Variants in WRN observed in about 807,000 individuals in gnomAD.
WRN encodes the protein bifunctional 3'-5' exonuclease/ATP-dependent helicase WRN.
WRN carries 149 observed loss-of-function variants against 180.7 expected under a neutral mutation model. The observed-to-expected ratio is 0.82, with a 90% CI of 0.72 to 0.94. WRN has a LOEUF of 0.94. Among genes scored for constraint, WRN ranks in the 40% least tolerant of loss-of-function variants. The pLI is 0.00. For synonymous variants in WRN, 548 were observed against 568.9 expected (o/e 0.96, Z 0.52); for missense variants, 1,661 against 1,700.1 (o/e 0.98, Z 0.40).
intron 8 of WRN, among the ~76,000 whole-genome samples, chr8:31,079,734 A>AAAT (rs1463780438): frequency 6.6e-6 from 1 of 152,200 alleles, no homozygotes; most frequent in Non-Finnish European, 1.5e-5. Flanking sequence ...TCTGTTCCAA[A>AAAT]AATGTAGTGT....
chr8:31,058,507 T>C lies in WRN; in HGVS notation c.60T>C (p.Asn20=), dbSNP rs1368830510. 1 of 1,613,752 alleles carries C rather than the reference T, an allele frequency of 6.2e-7. No individual in the cohort carries two copies. The highest frequency in any genetic ancestry group is 8.5e-7 in the Non-Finnish European group (1 of 1,179,870). The change falls in exon 2 of 35, where the codon AAT becomes AAC. Residue 20 remains asparagine, a synonymous_variant. Coordinates refer to ENST00000298139, the MANE Select transcript of WRN (RefSeq NM_000553.6). ...AGCGGAAATGTCCTGAATGGATGAATGTGCAGAATAAAAGATGTGCTGTAG... is the reference window on the plus strand; with the variant it reads ...AGCGGAAATGTCCTGAATGGATGAACGTGCAGAATAAAAGATGTGCTGTAG... ...AQQRKCPEWM[N]VQNKRCAVEE... is the part of the protein sequence containing the mutation.
At chr8:31,132,879 C>T (rs2725358) in intron 24 of WRN, among the ~76,000 whole-genome samples, 149,552 of 152,326 alleles carry the variant, frequency 0.98, 73,480 homozygotes, top group East Asian at 1. Flanking sequence ...TCCAGGAAAC[C>T]ATTAAATTCT....
intron 1 of WRN, among the ~76,000 whole-genome samples, chr8:31,051,982 C>G (rs886652913): frequency 6.6e-6 from 1 of 152,180 alleles, no homozygotes; most frequent in African/African-American, 2.4e-5. Flanking sequence ...GTTTCAGTGT[C>G]TATAGGTAAA....
chr8:31,056,634 A>G (rs1812286348), intron 1 of WRN, among the ~76,000 whole-genome samples: 1 of 152,156 alleles, frequency 6.6e-6, no homozygotes, highest in Non-Finnish European at 1.5e-5. Context: ...TTTCTTTTGC[A>G]TTAGGACACG....
At chr8:31,124,798 G>T in intron 22 of WRN, 110 bp from the exon 23 acceptor site, 1 of 1,246,604 alleles carries the variant, frequency 8.0e-7, no homozygotes, top group Non-Finnish European at 1.1e-6. Flanking sequence ...GTCAAATAAT[G>T]AAGTCCCAAG....
At chr8:31,057,092 C>T (rs1410187878) in intron 1 of WRN, among the ~76,000 whole-genome samples, 1 of 152,066 alleles carries the variant, frequency 6.6e-6, no homozygotes, top group African/African-American at 2.4e-5. Context: ...TTTTTTGTTC[C>T]ATAAATTATC....
At chr8:31,090,410 T>C (rs1443982960) in intron 13 of WRN, 55 bp from the exon 14 acceptor site, 6 of 1,507,130 alleles carry the variant, frequency 4.0e-6, no homozygotes, top group Non-Finnish European at 5.5e-6. Flanking sequence ...TTTTAATTTG[T>C]ACCTTGGGTT....
In WRN at chr8:31,147,081, T is replaced by C. The variant is rs1802884522; in HGVS notation, c.3412T>C (p.Tyr1138His). ...CATGGTACAGTCACCAGAAAAAGCT[T>C]ACAGTTCCTCACAGCCTGTTATTTC... is the stretch of plus-strand genomic sequence containing the variant. ...SIMVQSPEKA[Y>H]SSSQPVISAQ... Residue 1138 changes from tyrosine to histidine, a missense_variant, in exon 29 of 35, where the codon TAC becomes CAC. This residue lies in a region of WRN where 1,141 missense variants were observed against 1,149.4 expected (regional missense o/e 0.99). Coordinates refer to ENST00000298139, the MANE Select transcript of WRN (RefSeq NM_000553.6). The C allele has an allele frequency of 5.6e-6, 9 of 1,613,834 alleles. No homozygotes were observed. The highest frequency in any genetic ancestry group is 1.1e-5 in the South Asian group (1 of 91,058).
intron 1 of WRN, among the ~76,000 whole-genome samples, chr8:31,053,911 A>G (rs1261146049): frequency 6.6e-6 from 1 of 152,240 alleles, no homozygotes; most frequent in Admixed American, 6.5e-5. Flanking sequence ...GCTTACTTAA[A>G]TCATCAGAAT....
chr8:31,132,547 T>C, intron 24 of WRN, 41 bp downstream of exon 24: 1 of 1,613,274 alleles, frequency 6.2e-7, no homozygotes, highest in Non-Finnish European at 8.5e-7. Flanking sequence ...GATCTTCTTT[T>C]ACTTCTATTA....
chr8:31,167,174 G>C lies in WRN; in HGVS notation c.4135G>C (p.Glu1379Gln). Residue 1379 changes from glutamate to glutamine, a missense_variant, in exon 34 of 35, where the codon GAA (glutamate) becomes CAA (glutamine). Glu to Gln is a conservative substitution (Grantham distance 29, BLOSUM62 2). Transcript: ENST00000298139. ...CAAAAGGAGATGTTTTCCCGGTTCT[G>C]AAGAGATCTGTTCAAGTTCTAAGAG... ...VNKRRCFPGS[E>Q]EICSSSKRSK... The C allele has an allele frequency of 6.2e-7, 1 of 1,613,324 alleles. No homozygotes were observed. The highest frequency in any genetic ancestry group is 8.5e-7 in the Non-Finnish European group (1 of 1,179,460).
chr8:31,150,538 T>C, intron 31 of WRN, 83 bp downstream of exon 31: 1 of 1,176,728 alleles, frequency 8.5e-7, no homozygotes, highest in Non-Finnish European at 1.3e-6. Context: ...GAAGCAACAT[T>C]TGCTCACTTT....
intron 32 of WRN, among the ~76,000 whole-genome samples, chr8:31,155,617 G>A (rs1448405084): frequency 8.1e-6 from 1 of 123,056 alleles, no homozygotes; most frequent in African/African-American, 3.2e-5. Context: ...GCAAGACTCG[G>A]TCTCCAAAAA....
At chr8:31,052,081 G>C (rs1207525486) in intron 1 of WRN, among the ~76,000 whole-genome samples, 2 of 152,146 alleles carry the variant, frequency 1.3e-5, no homozygotes, top group African/African-American at 4.8e-5. Context: ...AAGATCATCT[G>C]GCCTGTAAGG....
chr8:31,146,652 T>C (rs1327176063), intron 28 of WRN, among the ~76,000 whole-genome samples: 1 of 152,226 alleles, frequency 6.6e-6, no homozygotes, highest in Non-Finnish European at 1.5e-5. Context: ...ATAGCAAGGA[T>C]CATACATTGT....
At chr8:31,102,824 TTC>T (rs1432003809) in intron 18 of WRN, among the ~76,000 whole-genome samples, 7 of 152,256 alleles carry the variant, frequency 4.6e-5, no homozygotes, top group African/African-American at 1.7e-4. Flanking sequence ...TTTAAAAATT[TTC>T]TTTCTTCAAT....
Position 31,076,387 on chromosome 8 carries a change from C to G in WRN, c.839+100C>G. The G allele has an allele frequency of 3.8e-6, 4 of 1,055,904 alleles. No individual in the cohort carries two copies. In the Admixed American group the frequency reaches 8.6e-5, roughly 23 times the overall value. 65.4% of individuals were successfully genotyped at this position (1,055,904 alleles called of 1,614,324 possible). On this transcript the variant is annotated intron_variant, in intron 8 of 34. Transcript: ENST00000298139. ...AGAATACTATTCATTAAGGCTGACTCATAGAAATTTGCTTGAATACACACA... is the reference window on the plus strand; with the variant it reads ...AGAATACTATTCATTAAGGCTGACTGATAGAAATTTGCTTGAATACACACA...
chr8:31,109,852 C>G (rs891704694), intron 18 of WRN, among the ~76,000 whole-genome samples: 8 of 152,078 alleles, frequency 5.3e-5, no homozygotes, highest in African/African-American at 1.9e-4. Flanking sequence ...CCAAAACAGA[C>G]TTTTTTCACT....
chr8:31,116,310 T>A (rs759807004), intron 19 of WRN, 44 bp from the exon 20 acceptor site: 18 of 1,604,206 alleles, frequency 1.1e-5, no homozygotes, highest in Non-Finnish European at 1.4e-5. Context: ...CTGAAGCATG[T>A]ATAAAGTATA....
Sources: allele counts gnomAD v4.1 joint callset (sites outside exome capture counted in the v4.1 genomes callset), GRCh38; gene constraint gnomAD v4.1.1; regional missense constraint gnomAD v4.1.1; transcripts MANE v1.5; gene names NCBI Gene and HGNC (gene_info 2026-07-23, HGNC 2026-07-21).